Variants in RPTOR observed in about 807,000 individuals in gnomAD.
RPTOR encodes regulatory-associated protein of mTOR.
RPTOR carries 21 observed loss-of-function variants against 169.9 expected under a neutral mutation model. That is an observed-to-expected ratio of 0.12 (90% confidence interval 0.09 to 0.18). The LOEUF (loss-of-function observed/expected upper bound fraction) is 0.18. RPTOR is among the 10% of genes least tolerant of loss of function. The probability of loss-of-function intolerance (pLI) is 1.00; values close to 1 mark genes in which losing one functional copy is unlikely to be tolerated. For synonymous variants in RPTOR, 732 were observed against 753.2 expected (o/e 0.97, Z 0.46); for missense variants, 1,133 against 1,855.9 (o/e 0.61, Z 7.16).
intron 21 of RPTOR, among the ~76,000 whole-genome samples, chr17:80,911,141 G>A (rs2012330): frequency 0.81 from 123,419 of 151,772 alleles, 50,364 homozygotes; most frequent in Admixed American, 0.85. Flanking sequence ...TGTTCTTTAT[G>A]GTATCACCGG....
At chr17:80,883,025 C>A (rs980167100) in intron 14 of RPTOR, among the ~76,000 whole-genome samples, 4 of 152,224 alleles carry the variant, frequency 2.6e-5, no homozygotes. Flanking sequence ...GCGCTGCCTC[C>A]ATGCCTTTTG....
At chr17:80,620,210 T>A (rs1002638576) in intron 1 of RPTOR, among the ~76,000 whole-genome samples, 8 of 152,198 alleles carry the variant, frequency 5.3e-5, no homozygotes, top group African/African-American at 1.9e-4. Flanking sequence ...ATGATACTCT[T>A]TTCAAATTCA....
At chr17:80,885,494 C>CACACATGT (rs2068235550) in intron 17 of RPTOR, among the ~76,000 whole-genome samples, 1 of 152,130 alleles carries the variant, frequency 6.6e-6, no homozygotes, top group Non-Finnish European at 1.5e-5. Flanking sequence ...TCCCCCCCAA[C>CACACATGT]ACCCCATGTA....
Position 80,798,699 on chromosome 17 carries a change from A to AG in RPTOR, c.890+7197dup, listed in dbSNP as rs1256154996. ...CCTTCCTGGCCACAGGGCTGAGCCA[A>AG]GGGGGGGCCAAGGCACTGCCTCCCT... On this transcript the variant is annotated intron_variant, in intron 7 of 33. Coordinates refer to ENST00000306801, the MANE Select transcript of RPTOR (RefSeq NM_020761.3). Among the ~76,000 whole-genome samples the AG allele has an allele frequency of 3.3e-5, 5 of 152,234 alleles. No individual in the cohort carries two copies. The East Asian group carries it at 5.8e-4, about 18-fold the overall frequency.
chr17:80,709,981 T>C (rs1460458438), intron 4 of RPTOR, among the ~76,000 whole-genome samples: 1 of 141,920 alleles, frequency 7.0e-6, no homozygotes, highest in Non-Finnish European at 1.5e-5. Context: ...CTTACAAAAC[T>C]TTTTTTTTTT....
intron 10 of RPTOR, among the ~76,000 whole-genome samples, chr17:80,841,102 ACT>A (rs1193666479): frequency 1.5e-5 from 1 of 64,600 alleles, no homozygotes; most frequent in Non-Finnish European, 2.6e-5. Context: ...ACGGCAGCTC[ACT>A]CTCTCTGCAC....
At chr17:80,767,904 G>A (rs866303750) in intron 6 of RPTOR, among the ~76,000 whole-genome samples, 17 of 151,734 alleles carry the variant, frequency 1.1e-4, no homozygotes, top group East Asian at 3.9e-4. Flanking sequence ...TTGCTGTGTC[G>A]CCAGGCTGGA....
At chr17:80,870,415 A>C (rs1460448836) in intron 13 of RPTOR, among the ~76,000 whole-genome samples, 1 of 152,128 alleles carries the variant, frequency 6.6e-6, no homozygotes, top group East Asian at 1.9e-4. Flanking sequence ...CAAATTCTCT[A>C]CTGTTTTCTC....
chr17:80,893,377 A>T (rs1420858010), intron 19 of RPTOR, among the ~76,000 whole-genome samples: 1 of 115,910 alleles, frequency 8.6e-6, no homozygotes, highest in Non-Finnish European at 1.7e-5. Context: ...TGTGTGCACA[A>T]GGGTGTGTGC....
chr17:80,940,634 A>C, intron 25 of RPTOR, 33 bp downstream of exon 25: 132 of 1,552,054 alleles, frequency 8.5e-5, no homozygotes, highest in Non-Finnish European at 1.0e-4. Flanking sequence ...CCAGGGGCTC[A>C]TTCCGGGGGT....
At position 80,754,094 on chromosome 17, in the gene RPTOR, G is replaced by C; in HGVS notation, c.739G>C (p.Glu247Gln). The C allele has an allele frequency of 6.2e-7, 1 of 1,613,984 alleles. No individual in the cohort carries two copies. Among genetic ancestry groups the C allele is most frequent in the Non-Finnish European group, 8.5e-7 (1 of 1,179,992 alleles). Residue 247 changes from glutamate to glutamine, a missense_variant, in exon 6 of 34, where the codon GAG becomes CAG. Glu to Gln is a conservative substitution (Grantham distance 29). Coordinates refer to ENST00000306801, the MANE Select transcript of RPTOR (RefSeq NM_020761.3). The surrounding 1 kb of genome is among the most constrained non-coding windows in gnomAD (Gnocchi z 4.2). ...MKNCIQLAAC[E>Q]ATELLPMIPD... ...AAACTGCATCCAGCTGGCAGCCTGC[G>C]AGGCCACCGAGCTGCTGCCCATGAT...
At chr17:80,697,024 T>C (rs1016932921) in intron 3 of RPTOR, among the ~76,000 whole-genome samples, 16 of 152,182 alleles carry the variant, frequency 1.1e-4, no homozygotes, top group Admixed American at 9.8e-4. Flanking sequence ...AAAGGGCTAG[T>C]GTGACAGTCT....
intron 2 of RPTOR, among the ~76,000 whole-genome samples, chr17:80,641,126 G>A (rs889995833): frequency 2.0e-5 from 3 of 152,122 alleles, no homozygotes; most frequent in Non-Finnish European, 4.4e-5. Context: ...CTATCTTGTG[G>A]GTCTGATCAC....
At chr17:80,710,274 G>A (rs538440762) in intron 4 of RPTOR, among the ~76,000 whole-genome samples, 15 of 152,074 alleles carry the variant, frequency 9.9e-5, no homozygotes, top group African/African-American at 2.9e-4. Flanking sequence ...GGATTACAGC[G>A]TGAGCCACTG....
intron 2 of RPTOR, among the ~76,000 whole-genome samples, chr17:80,629,389 A>G (rs1265329696): frequency 6.8e-6 from 1 of 146,724 alleles, no homozygotes; most frequent in Non-Finnish European, 1.5e-5. Context: ...CTCTTCTGGG[A>G]CTCAGCTCTC....
chr17:80,765,146 G>A (rs1204911396), intron 6 of RPTOR, among the ~76,000 whole-genome samples: 1 of 152,214 alleles, frequency 6.6e-6, no homozygotes, highest in Non-Finnish European at 1.5e-5. Context: ...GCCCTACGCT[G>A]TCCGTCGCAT....
In RPTOR at chr17:80,847,558, T is replaced by A. The variant is rs542422594; in HGVS notation, c.1314+984T>A. ...GTGCAGTTGGACTTTGGCGAGGAGC[T>A]GTGCATGGCCGTGGGGAGGGGCTGC... is the stretch of plus-strand genomic sequence containing the variant. On this transcript the variant is annotated intron_variant, in intron 11 of 33. Coordinates refer to ENST00000306801, the MANE Select transcript of RPTOR (RefSeq NM_020761.3). Among the ~76,000 whole-genome samples the A allele has an allele frequency of 1.4e-4, 21 of 152,304 alleles. No individual in the cohort carries two copies. The South Asian group carries it at 4.3e-3, about 32-fold the overall frequency.
intron 29 of RPTOR, among the ~76,000 whole-genome samples, chr17:80,958,569 C>T (rs2144092653): frequency 6.6e-6 from 1 of 151,898 alleles, no homozygotes; most frequent in South Asian, 2.1e-4. Flanking sequence ...CACCACCACG[C>T]CCAGCTAATT....
chr17:80,890,785 T>C (rs1160408323), intron 17 of RPTOR, among the ~76,000 whole-genome samples: 5 of 151,842 alleles, frequency 3.3e-5, no homozygotes, highest in Non-Finnish European at 7.4e-5. Flanking sequence ...GCCCGGGGCA[T>C]GTAAGGCTGG....
Sources: gnomAD v4.1 joint callset for allele counts (sites outside exome capture counted in the v4.1 genomes callset) on GRCh38, gnomAD v4.1.1 for gene constraint, Gnocchi (gnomAD v3.1) non-coding constraint, MANE v1.5 for transcripts, NCBI Gene and HGNC (gene_info 2026-07-23, HGNC 2026-07-21) for gene names.